RAB3GAP2: variants seen among roughly 807,000 people sequenced by gnomAD.
RAB3GAP2 encodes rab3 GTPase-activating protein non-catalytic subunit.
A neutral mutation model predicts 185.3 loss-of-function variants in RAB3GAP2; 87 were observed. The observed-to-expected ratio is 0.47, with a 90% confidence interval of 0.39 to 0.56. RAB3GAP2 has a LOEUF of 0.56. Among genes scored for constraint, RAB3GAP2 ranks in the 20% least tolerant of loss-of-function variants. The pLI is 0.00. For missense variants in RAB3GAP2, 1,492 were observed against 1,638.2 expected, an observed-to-expected ratio of 0.91 and a Z score of 1.54; for synonymous variants, 554 against 576.1, an observed-to-expected ratio of 0.96 and a Z score of 0.55.
chr1:220,261,403 T>C (rs1479747725), intron 1 of RAB3GAP2, among the ~76,000 whole-genome samples: 1 of 152,156 alleles, frequency 6.6e-6, no homozygotes, highest in Non-Finnish European at 1.5e-5. Context: ...TAAAATAACC[T>C]CTTATGAAAA....
chr1:220,242,533 A>G (rs1408931892), intron 1 of RAB3GAP2, among the ~76,000 whole-genome samples: 1 of 152,098 alleles, frequency 6.6e-6, no homozygotes, highest in Admixed American at 6.5e-5. Flanking sequence ...TGCAATTAAT[A>G]CAGATACAAG....
intron 1 of RAB3GAP2, among the ~76,000 whole-genome samples, chr1:220,244,214 G>C (rs1042254389): frequency 2.2e-4 from 33 of 152,156 alleles, no homozygotes; most frequent in African/African-American, 8.0e-4. Context: ...AAAGTCTACA[G>C]TTACCAAATC....
In RAB3GAP2 at chr1:220,222,009, A is replaced by C. The variant is rs116436281; in HGVS notation, c.181-8030T>G. 1.9e-3 allele frequency among the ~76,000 whole-genome samples: 287 copies of C among 152,304 alleles called. 2 individuals carry two copies. Among genetic ancestry groups the C allele is most frequent in the African/African-American group, 6.7e-3 (279 of 41,578 alleles). On this transcript the variant is annotated intron_variant, in intron 2 of 34. Coordinates refer to ENST00000358951, the MANE Select transcript of RAB3GAP2 (RefSeq NM_012414.4). ...TGTCATTTTGCTAACTTTCACAGATATTTACACATTTTAGTGGTACCAGTA... is the reference window on the plus strand; with the variant it reads ...TGTCATTTTGCTAACTTTCACAGATCTTTACACATTTTAGTGGTACCAGTA...
intron 32 of RAB3GAP2, 99 bp downstream of exon 32, chr1:220,153,869 G>A: frequency 6.6e-7 from 1 of 1,518,604 alleles, no homozygotes; most frequent in African/African-American, 1.4e-5. Context: ...TTCTGTCCTT[G>A]CGATAGAAAG....
intron 1 of RAB3GAP2, among the ~76,000 whole-genome samples, chr1:220,271,553 C>T (rs1660333530): frequency 6.6e-6 from 1 of 152,124 alleles, no homozygotes; most frequent in Non-Finnish European, 1.5e-5. Context: ...GGCTATGTCA[C>T]TGTAATTTTA....
intron 2 of RAB3GAP2, among the ~76,000 whole-genome samples, chr1:220,225,474 C>T (rs1388980911): frequency 6.6e-6 from 1 of 152,146 alleles, no homozygotes; most frequent in Non-Finnish European, 1.5e-5. Context: ...ATCCTTTGTT[C>T]TGTGCATTGA....
intron 23 of RAB3GAP2, 125 bp from the exon 24 acceptor site, chr1:220,171,245 T>G (rs1178002122): frequency 1.2e-6 from 1 of 843,068 alleles, no homozygotes; most frequent in Non-Finnish European, 2.0e-6. Context: ...TACATGCTAT[T>G]TCACAAATAT....
chr1:220,154,244 G>T, intron 31 of RAB3GAP2, 187 bp from the exon 32 acceptor site: 1 of 775,498 alleles, frequency 1.3e-6, no homozygotes, highest in Non-Finnish European at 1.9e-6. Flanking sequence ...ATGAAACCCA[G>T]TGATCCCCTC....
At chr1:220,258,131 T>A (rs528895831) in intron 1 of RAB3GAP2, among the ~76,000 whole-genome samples, 3 of 152,248 alleles carry the variant, frequency 2.0e-5, no homozygotes, top group South Asian at 2.1e-4. Context: ...CAGGACAAGA[T>A]GGATTCACAG....
Position 220,182,814 on chromosome 1 carries a change from C to G in RAB3GAP2, c.2116G>C (p.Gly706Arg), listed in dbSNP as rs143888044. Residue 706 changes from glycine to arginine, a missense_variant, in exon 20 of 35, where the codon GGT becomes CGT. Around this residue, in one of 5 missense-constraint regions of RAB3GAP2, gnomAD observed 681 missense variants for 689.1 expected, o/e 0.99. Coordinates refer to ENST00000358951, the MANE Select transcript of RAB3GAP2 (RefSeq NM_012414.4). ...TNVRFSDDKD[G>R]VLPVKTFLEY... ...AAGAATGTTTTTACAGGCAACACAC[C>G]ATCTTTATCATCAGAAAATCGAACA... 10 of 1,613,284 alleles carry G rather than the reference C, an allele frequency of 6.2e-6. No individual in the cohort carries two copies. In the East Asian group the frequency reaches 2.0e-4, roughly 32 times the overall value.
chr1:220,170,771 T>C (rs989690188), intron 24 of RAB3GAP2, 121 bp downstream of exon 24: 15 of 851,198 alleles, frequency 1.8e-5, no homozygotes, highest in African/African-American at 3.4e-5. Flanking sequence ...ATATAGAAGG[T>C]TATTGTTATT....
chr1:220,243,369 A>C (rs1558167849), intron 1 of RAB3GAP2, among the ~76,000 whole-genome samples: 3 of 151,822 alleles, frequency 2.0e-5, no homozygotes, highest in African/African-American at 7.3e-5. Context: ...AAAAAAAAAA[A>C]ACATAATAAT....
At chr1:220,192,507 G>T (rs1414695983) in intron 13 of RAB3GAP2, among the ~76,000 whole-genome samples, 1 of 152,192 alleles carries the variant, frequency 6.6e-6, no homozygotes, top group Non-Finnish European at 1.5e-5. Flanking sequence ...AATGTGCCTA[G>T]TTAAAAGATA....
rs182428327 is a variant in RAB3GAP2 at position 220,214,027 on chromosome 1, T to C, written c.181-48A>G. The C allele has an allele frequency of 3.8e-6, 6 of 1,594,124 alleles. No homozygotes were observed. In the East Asian group the frequency reaches 1.3e-4, roughly 36 times the overall value. The stretch of plus-strand genomic sequence containing the variant: ...TGCATATGCAAAAATACCAAGAGTA[T>C]TCAAACTCAGCTTGCCTGTCTCAAG... On this transcript the variant is annotated intron_variant, in intron 2 of 34. Coordinates refer to ENST00000358951, the MANE Select transcript of RAB3GAP2 (RefSeq NM_012414.4).
At chr1:220,230,335 T>C (rs1267887065) in intron 2 of RAB3GAP2, among the ~76,000 whole-genome samples, 1 of 152,152 alleles carries the variant, frequency 6.6e-6, no homozygotes, top group African/African-American at 2.4e-5. Flanking sequence ...AGCCATGCAA[T>C]AGTTTAAATC....
intron 32 of RAB3GAP2, 36 bp from the exon 33 acceptor site, chr1:220,153,442 T>C: frequency 6.4e-7 from 1 of 1,561,890 alleles, no homozygotes; most frequent in Non-Finnish European, 8.8e-7. Flanking sequence ...CAATGCATTG[T>C]TACTGTTTCA....
chr1:220,157,362 C>T lies in RAB3GAP2; in HGVS notation c.3463G>A (p.Val1155Met). The T allele has an allele frequency of 5.6e-6, 9 of 1,613,656 alleles. No homozygotes were observed. Among genetic ancestry groups the T allele is most frequent in the Non-Finnish European group, 7.6e-6 (9 of 1,179,904 alleles). Residue 1155 changes from valine to methionine, a missense_variant, in exon 31 of 35, where the codon GTG becomes ATG. By Grantham distance (21) the Val-to-Met change is conservative. Around this residue, in one of 5 missense-constraint regions of RAB3GAP2, gnomAD observed 387 missense variants for 455.3 expected, o/e 0.85. Coordinates refer to ENST00000358951, the MANE Select transcript of RAB3GAP2 (RefSeq NM_012414.4). ...LEQKHIHYPLVEHHSILCSIL... is the reference protein window; with the variant it reads ...LEQKHIHYPLMEHHSILCSIL... ...GAGCACAGGATGGAGTGGTGCTCCA[C>T]CAGTGGGTAGTGGATGTGCTTCTGT...
At chr1:220,152,444 C>G (rs558259906) in intron 33 of RAB3GAP2, among the ~76,000 whole-genome samples, 1 of 152,316 alleles carries the variant, frequency 6.6e-6, no homozygotes, top group East Asian at 1.9e-4. Flanking sequence ...GGCCATGGCC[C>G]GGGCCAGCCT....
rs34081806 is a variant in RAB3GAP2 at position 220,153,210 on chromosome 1, T to C, written c.3842A>G (p.Tyr1281Cys). The change falls in exon 33 of 35, where the codon TAT becomes TGT. Residue 1281 changes from tyrosine (Y) to cysteine (C), a missense_variant. Physicochemically the swap from Tyr to Cys is radical, Grantham distance 194. Transcript: ENST00000358951. ...RRHYVGELYN[Y>C]GVDHLGEEAI... ...CTCTTCTCCTAAGTGGTCAACTCCATAGTTGTATAGTTCCCCCACATAATG... is the reference window on the plus strand; with the variant it reads ...CTCTTCTCCTAAGTGGTCAACTCCACAGTTGTATAGTTCCCCCACATAATG... The C allele has an allele frequency of 1.4e-4, 218 of 1,613,688 alleles. 1 individual carries two copies. The African/African-American group carries it at 2.8e-3, about 21-fold the overall frequency.
Sources: allele counts gnomAD v4.1 joint callset (sites outside exome capture counted in the v4.1 genomes callset), GRCh38; gene constraint gnomAD v4.1.1; regional missense constraint gnomAD v4.1.1; transcripts MANE v1.5; gene names NCBI Gene and HGNC (gene_info 2026-07-23, HGNC 2026-07-21).